The following NUP160 variants were observed in gnomAD, a reference collection of about 807,000 sequenced individuals.
NUP160 encodes the protein nuclear pore complex protein Nup160.
NUP160 carries 94 observed loss-of-function variants against 196.9 expected under a neutral mutation model. That is an observed-to-expected ratio of 0.48 (90% CI 0.40 to 0.57). NUP160 has a LOEUF of 0.57. Ranked by LOEUF, NUP160 falls within the 20% of genes least tolerant of loss-of-function variation. The probability of loss-of-function intolerance (pLI) is 0.00; values close to 1 mark genes in which losing one functional copy is unlikely to be tolerated. For missense variants in NUP160, 1,638 were observed against 1,748.3 expected, an observed-to-expected ratio of 0.94 and a Z score of 1.13; for synonymous variants, 605 against 619.7, an observed-to-expected ratio of 0.98 and a Z score of 0.35.
chr11:47,799,504 C>A (rs546973895), intron 23 of NUP160, among the ~76,000 whole-genome samples: 1 of 152,010 alleles, frequency 6.6e-6, no homozygotes, highest in Non-Finnish European at 1.5e-5. Context: ...ATCCAAAATA[C>A]GCATTTATAA....
intron 19 of NUP160, 62 bp from the exon 20 acceptor site, chr11:47,806,374 A>G: frequency 7.6e-7 from 1 of 1,309,158 alleles, no homozygotes; most frequent in Non-Finnish European, 1.1e-6. Context: ...CAATTAAAAT[A>G]GTCTATCAAT....
chr11:47,837,521 A>C, intron 5 of NUP160, 24 bp downstream of exon 5: 1 of 1,602,134 alleles, frequency 6.2e-7, no homozygotes, highest in Non-Finnish European at 8.6e-7. Context: ...GGGCCCTTTG[A>C]TTTACCTGCC....
chr11:47,780,725 A>C (rs576250485), intron 34 of NUP160, among the ~76,000 whole-genome samples: 9 of 151,868 alleles, frequency 5.9e-5, no homozygotes, highest in Admixed American at 5.2e-4. Flanking sequence ...TATTTTTAGT[A>C]GAGATGGGGT....
chr11:47,796,219 C>A, intron 27 of NUP160: 1 of 486,194 alleles, frequency 2.1e-6, no homozygotes, highest in Non-Finnish European at 3.7e-6. Flanking sequence ...AGATCTTCCA[C>A]ACAGAAAAAG....
At chr11:47,824,027 A>ACATATATATATATATG (rs1851916740) in intron 7 of NUP160, among the ~76,000 whole-genome samples, 1 of 117,668 alleles carries the variant, frequency 8.5e-6, no homozygotes, top group Admixed American at 9.2e-5. Flanking sequence ...ATATATATAT[A>ACATATATATATATATG]TATATATATA....
chr11:47,807,439 G>T (rs1343832237), intron 18 of NUP160, among the ~76,000 whole-genome samples: 1 of 152,152 alleles, frequency 6.6e-6, no homozygotes, highest in African/African-American at 2.4e-5. Flanking sequence ...GCTGAGGCGG[G>T]TGGATCACCT....
Position 47,824,020 on chromosome 11 carries a change from T to C in NUP160, c.1102-1856A>G, listed in dbSNP as rs983785666. Among the ~76,000 whole-genome samples, 29 of 103,224 alleles carry C rather than the reference T, an allele frequency of 2.8e-4. 1 individual carries two copies. The highest frequency in any genetic ancestry group is 4.1e-4 in the Admixed American group (4 of 9,722). The allele number at this position is 103,224 out of a possible 152,430, so 67.7% of individuals were successfully genotyped here. The stretch of plus-strand genomic sequence containing the variant: ...TTCAATTCTTTTGCATATATATATA[T>C]ATATATATATATATATATATATATA... On this transcript the variant is annotated intron_variant, in intron 7 of 35. Coordinates refer to ENST00000378460, the Ensembl canonical transcript of NUP160.
chr11:47,842,374 C>G (rs1852322812), intron 2 of NUP160, among the ~76,000 whole-genome samples: 1 of 152,206 alleles, frequency 6.6e-6, no homozygotes, highest in African/African-American at 2.4e-5. Flanking sequence ...GCACAATTTT[C>G]TGGATCCTCA....
exon 23 of NUP160, chr11:47,801,867 T>A: frequency 6.2e-7 from 1 of 1,613,942 alleles, no homozygotes; most frequent in African/African-American, 1.3e-5. Flanking sequence ...TCTGAGCGAA[T>A]CAAGCGATCC....
At chr11:47,834,038 T>C (rs934820131) in intron 7 of NUP160, among the ~76,000 whole-genome samples, 2 of 152,262 alleles carry the variant, frequency 1.3e-5, no homozygotes, top group Admixed American at 6.5e-5. Context: ...AGAGTATTAC[T>C]GGACATGGAG....
rs1370960261 is a variant in NUP160 at position 47,784,507 on chromosome 11, T to C, written c.3990+415A>G. Among the ~76,000 whole-genome samples, 3 of 152,214 alleles carry C rather than the reference T, an allele frequency of 2.0e-5. No homozygotes were observed. In the East Asian group the frequency reaches 5.8e-4, roughly 29 times the overall value. On this transcript the variant is annotated intron_variant, in intron 33 of 35. Coordinates refer to ENST00000378460, the Ensembl canonical transcript of NUP160. ...ATGCATATGCTCATTGTTCTAAATA[T>C]AAACTCATTGTTCAGTGAATATAAT... is the stretch of plus-strand genomic sequence containing the variant.
At chr11:47,830,548 C>A (rs916912891) in intron 7 of NUP160, among the ~76,000 whole-genome samples, 3 of 152,128 alleles carry the variant, frequency 2.0e-5, no homozygotes, top group African/African-American at 7.2e-5. Flanking sequence ...GAGATCATGT[C>A]TTTTGTGGAA....
chr11:47,825,359 T>C (rs925536511), intron 7 of NUP160, among the ~76,000 whole-genome samples: 8 of 151,042 alleles, frequency 5.3e-5, no homozygotes, highest in African/African-American at 2.0e-4. Context: ...CTCGGCTCAC[T>C]GCAACCTCTG....
chr11:47,839,666 T>C (rs929117354), intron 4 of NUP160, 177 bp downstream of exon 4: 8 of 618,872 alleles, frequency 1.3e-5, no homozygotes, highest in Non-Finnish European at 2.0e-5. Context: ...ATATGCTTTA[T>C]AGTTCCTTAT....
At chr11:47,779,655 T>C (rs538689624) in intron 35 of NUP160, 3 of 491,232 alleles carry the variant, frequency 6.1e-6, no homozygotes, top group East Asian at 5.5e-5. Context: ...AGGGTGAATA[T>C]ATGACTCCTG....
At chr11:47,788,276 G>A in exon 31 of NUP160, 1 of 1,614,136 alleles carries the variant, frequency 6.2e-7, no homozygotes, top group Non-Finnish European at 8.5e-7. Flanking sequence ...TGAACCAAGA[G>A]AGTGACCATT....
intron 2 of NUP160, among the ~76,000 whole-genome samples, chr11:47,840,960 G>A (rs1411315173): frequency 2.0e-5 from 3 of 151,946 alleles, no homozygotes; most frequent in South Asian, 2.1e-4. Flanking sequence ...TAATAATTGC[G>A]GTTATTTCCT....
At chr11:47,840,500 A>C in exon 3 of NUP160, 1 of 1,614,138 alleles carries the variant, frequency 6.2e-7, no homozygotes, top group Non-Finnish European at 8.5e-7. Context: ...AAAACACTGC[A>C]ATTTTGGAAT....
intron 1 of NUP160, 102 bp from the exon 2 acceptor site, chr11:47,848,061 A>G: frequency 7.9e-7 from 1 of 1,271,432 alleles, no homozygotes. Flanking sequence ...AACCCATACA[A>G]AGAAAAGAGG....
Sources: allele counts gnomAD v4.1 joint callset (sites outside exome capture counted in the v4.1 genomes callset), GRCh38; gene constraint gnomAD v4.1.1; transcripts MANE v1.5; gene names NCBI Gene and HGNC (gene_info 2026-07-23, HGNC 2026-07-21).